The following SKI variants were observed in gnomAD, a reference collection of about 807,000 sequenced individuals.
SKI encodes ski oncogene.
In SKI, 23 loss-of-function variants were observed where a neutral mutation model predicts 59.3. The observed-to-expected ratio is 0.39, with a 90% confidence interval of 0.28 to 0.55. The LOEUF (loss-of-function observed/expected upper bound fraction) is 0.55, where lower values mean the gene tolerates loss of function less well. Ranked by LOEUF, SKI falls within the 20% of genes least tolerant of loss-of-function variation. The pLI is 0.67. For missense variants in SKI, 1,017 were observed against 1,038.9 expected (o/e 0.98, Z 0.29); for synonymous variants, 673 against 488.6 (o/e 1.38, Z -4.98).
At chr1:2,288,398 A>G (rs1471003307) in intron 1 of SKI, among the ~76,000 whole-genome samples, 1 of 152,230 alleles carries the variant, frequency 6.6e-6, no homozygotes, top group Admixed American at 6.5e-5. Flanking sequence ...CTGAGATTAC[A>G]GGCATGAGCC....
intron 1 of SKI, among the ~76,000 whole-genome samples, chr1:2,255,348 A>G (rs1225690885): frequency 1.3e-5 from 2 of 152,224 alleles, no homozygotes; most frequent in African/African-American, 4.8e-5. Flanking sequence ...GAGTTTTGAT[A>G]AATCTATCCT....
At chr1:2,249,835 G>A (rs1362390563) in intron 1 of SKI, among the ~76,000 whole-genome samples, 1 of 152,222 alleles carries the variant, frequency 6.6e-6, no homozygotes, top group Non-Finnish European at 1.5e-5. Flanking sequence ...CAGTTGGAGA[G>A]TTTGTTACAG....
chr1:2,235,948 A>G (rs761697065), intron 1 of SKI, among the ~76,000 whole-genome samples: 26 of 152,222 alleles, frequency 1.7e-4, no homozygotes, highest in Non-Finnish European at 3.5e-4. Context: ...GGGGAAACAG[A>G]TAAAGGGGGC....
At chr1:2,262,888 G>A (rs1447734302) in intron 1 of SKI, among the ~76,000 whole-genome samples, 4 of 151,986 alleles carry the variant, frequency 2.6e-5, no homozygotes, top group Non-Finnish European at 5.9e-5. Context: ...TTAGAATATT[G>A]TTGAATTTGT....
In SKI at chr1:2,306,854, C is replaced by G; in HGVS notation, c.*89C>G. The G allele has an allele frequency of 3.4e-6, 3 of 870,986 alleles. No homozygotes were observed. The highest frequency in any genetic ancestry group is 3.1e-6 in the Non-Finnish European group (2 of 648,120). The allele number at this position is 870,986 out of a possible 1,614,324, so 54.0% of individuals were successfully genotyped here. A position where few individuals can be genotyped will look rare whatever the true frequency, so the allele number is the denominator to read the frequency against. ...GCAGCTCCGCCCGGCTCCGCCCCTG[C>G]AGCCCACACAGCACAACGTCTTACC... On this transcript the variant is annotated 3_prime_UTR_variant, in exon 7 of 7. Coordinates refer to ENST00000378536, the MANE Select transcript of SKI (RefSeq NM_003036.4).
At chr1:2,248,433 AG>A (rs1025317678) in intron 1 of SKI, among the ~76,000 whole-genome samples, 14 of 152,316 alleles carry the variant, frequency 9.2e-5, no homozygotes, top group African/African-American at 3.1e-4. Flanking sequence ...GGGGCGCCGC[AG>A]GGTGGCTCTC....
chr1:2,267,195 A>G lies in SKI; in HGVS notation c.970-35783A>G, dbSNP rs1010910862. Among the ~76,000 whole-genome samples, 2 of 152,166 alleles carry G rather than the reference A, an allele frequency of 1.3e-5. No homozygotes were observed. Among genetic ancestry groups the G allele is most frequent in the Admixed American group, 1.3e-4 (2 of 15,280 alleles). ...GAGCCAGCACTGAACTGGTTTTGTA[A>G]CAAGCTTGGTGTCCATATCGCTCTT... On this transcript the variant is annotated intron_variant, in intron 1 of 6. Transcript: ENST00000378536. The surrounding 1 kb of genome is among the most constrained non-coding windows in gnomAD (Gnocchi z 4.1).
chr1:2,256,685 T>C (rs1280863292), intron 1 of SKI, among the ~76,000 whole-genome samples: 1 of 152,238 alleles, frequency 6.6e-6, no homozygotes, highest in Non-Finnish European at 1.5e-5. Context: ...AGAACACTTG[T>C]CGGCGCTCCT....
intron 1 of SKI, among the ~76,000 whole-genome samples, chr1:2,295,117 AGC>A (rs1557845898): frequency 6.6e-6 from 1 of 152,232 alleles, no homozygotes; most frequent in Non-Finnish European, 1.5e-5. Context: ...GTGGCAGGTG[AGC>A]GCTGCCTGAC....
chr1:2,297,855 A>G (rs564426576), intron 1 of SKI, among the ~76,000 whole-genome samples: 8 of 152,318 alleles, frequency 5.3e-5, no homozygotes, highest in South Asian at 2.1e-4. Context: ...CCCATGGCGC[A>G]TGCATTCCCC....
intron 1 of SKI, among the ~76,000 whole-genome samples, chr1:2,288,008 G>A (rs1249464496): frequency 6.6e-6 from 1 of 151,198 alleles, no homozygotes; most frequent in East Asian, 1.9e-4. Context: ...TCTTCCTTGA[G>A]ACGGAGTTTC....
chr1:2,292,420 TAGC>T (rs989641598), intron 1 of SKI, among the ~76,000 whole-genome samples: 4 of 152,174 alleles, frequency 2.6e-5, no homozygotes, highest in Admixed American at 1.3e-4. Flanking sequence ...ACCCTTCATC[TAGC>T]AGACGTTCAT....
At chr1:2,261,262 G>A (rs1289026836) in intron 1 of SKI, among the ~76,000 whole-genome samples, 2 of 152,086 alleles carry the variant, frequency 1.3e-5, no homozygotes, top group African/African-American at 4.8e-5. Flanking sequence ...ACAGCTATTC[G>A]GGATCTTCCA....
chr1:2,292,206 C>T (rs884941), intron 1 of SKI, among the ~76,000 whole-genome samples: 22,113 of 152,142 alleles, frequency 0.15, 1,864 homozygotes, highest in Middle Eastern at 0.22. Context: ...GGAGTCCCCA[C>T]GCCTCCTTGC....
chr1:2,242,511 G>GAA (rs1489485063), intron 1 of SKI, among the ~76,000 whole-genome samples: 1 of 152,136 alleles, frequency 6.6e-6, no homozygotes, highest in African/African-American at 2.4e-5. Context: ...CACATTGATG[G>GAA]AAAGATTTTT....
intron 1 of SKI, among the ~76,000 whole-genome samples, chr1:2,259,526 T>TTTTTTTAAAAA (rs1409437962): frequency 3.3e-5 from 5 of 152,230 alleles, no homozygotes; most frequent in Non-Finnish European, 7.3e-5. Flanking sequence ...TTAGGATGAT[T>TTTTTTTAAAAA]GCTGTGTAGT....
chr1:2,272,014 C>T (rs1639633509), intron 1 of SKI, among the ~76,000 whole-genome samples: 1 of 152,142 alleles, frequency 6.6e-6, no homozygotes, highest in Non-Finnish European at 1.5e-5. Flanking sequence ...CCCCTGTGGG[C>T]AGGTGCAGGG....
At chr1:2,285,250 C>T (rs1640011938) in intron 1 of SKI, among the ~76,000 whole-genome samples, 1 of 152,146 alleles carries the variant, frequency 6.6e-6, no homozygotes, top group South Asian at 2.1e-4. Context: ...CAGTGGCTCA[C>T]ACCTGGAATC....
chr1:2,237,717 G>A (rs1377576316), intron 1 of SKI, among the ~76,000 whole-genome samples: 1 of 152,254 alleles, frequency 6.6e-6, no homozygotes, highest in East Asian at 1.9e-4. Context: ...AATGCTCTTG[G>A]TTTCTTTTTT....
Sources: gnomAD v4.1 joint callset for allele counts (sites outside exome capture counted in the v4.1 genomes callset) on GRCh38, gnomAD v4.1.1 for gene constraint, Gnocchi (gnomAD v3.1) non-coding constraint, MANE v1.5 for transcripts, NCBI Gene and HGNC (gene_info 2026-07-23, HGNC 2026-07-21) for gene names.